NAALAD2: variants seen among roughly 807,000 people sequenced by gnomAD.
NAALAD2 encodes N-acetylated alpha-linked acidic dipeptidase 2.
A neutral mutation model predicts 95.6 loss-of-function variants in NAALAD2; 89 were observed. The observed-to-expected ratio is 0.93, with a 90% CI of 0.78 to 1.11. NAALAD2 has a LOEUF of 1.11. NAALAD2 is among the 50% of genes least tolerant of loss of function. The probability of loss-of-function intolerance (pLI) is 0.00; values close to 1 mark genes in which losing one functional copy is unlikely to be tolerated. For synonymous variants in NAALAD2, 264 were observed against 294.4 expected, an observed-to-expected ratio of 0.90 and a Z score of 1.06; for missense variants, 894 against 872.4, an observed-to-expected ratio of 1.02 and a Z score of -0.31.
At chr11:90,162,186 T>G (rs1437301618) in intron 8 of NAALAD2, among the ~76,000 whole-genome samples, 1 of 152,178 alleles carries the variant, frequency 6.6e-6, no homozygotes, top group Non-Finnish European at 1.5e-5. Flanking sequence ...CATTTTCCCA[T>G]GTCATCTTGG....
At chr11:90,166,446 C>T (rs1258747639) in intron 11 of NAALAD2, among the ~76,000 whole-genome samples, 1 of 152,154 alleles carries the variant, frequency 6.6e-6, no homozygotes, top group Non-Finnish European at 1.5e-5. Context: ...TTATATTTCT[C>T]ACTTTTGAAA....
At chr11:90,155,600 A>G (rs370168218) in intron 6 of NAALAD2, among the ~76,000 whole-genome samples, 13,054 of 110,178 alleles carry the variant, frequency 0.12, 1,417 homozygotes, top group East Asian at 0.28. Context: ...ATATGTAATA[A>G]TATATATTAC....
chr11:90,173,891 C>A lies in NAALAD2; in HGVS notation c.1478C>A (p.Ser493Ter). ...GAAAGCTGGTTGGAAAAAGACCCTT[C>A]ACCTGAAAATAAAAATTTGCCTAGG... is the stretch of plus-strand genomic sequence containing the variant. ...LYESWLEKDP[S>*]PENKNLPRIN... The change falls in exon 14 of 19, where the codon TCA (serine) becomes TAA (stop). Residue 493 changes from serine (S) to a stop codon, truncating the protein, a stop_gained. Transcript: ENST00000534061. LOFTEE classifies it high-confidence loss of function. 6.2e-7 allele frequency: 1 copy of A among 1,612,230 alleles called. No homozygotes were observed. Among genetic ancestry groups the A allele is most frequent in the Non-Finnish European group, 8.5e-7 (1 of 1,179,082 alleles).
At chr11:90,168,876 C>G in intron 11 of NAALAD2, 53 bp from the exon 12 acceptor site, 1 of 1,407,760 alleles carries the variant, frequency 7.1e-7, no homozygotes, top group Admixed American at 1.9e-5. Flanking sequence ...ATTTTGTTTA[C>G]ATTTTCACAA....
chr11:90,148,688 A>C (rs2134859354), intron 3 of NAALAD2, among the ~76,000 whole-genome samples: 1 of 150,080 alleles, frequency 6.7e-6, no homozygotes, highest in South Asian at 2.1e-4. Context: ...AGATGAAAGA[A>C]AAGGAGCCCA....
chr11:90,138,725 C>CTTTTTTTTTTTTTTTT (rs562496549), intron 2 of NAALAD2, among the ~76,000 whole-genome samples: 4 of 61,530 alleles, frequency 6.5e-5, no homozygotes, highest in South Asian at 7.4e-4. Context: ...CATCCCTCAA[C>CTTTTTTTTTTTTTTTT]TTTTTTTTTT....
chr11:90,179,968 G>A (rs1390432073), intron 16 of NAALAD2, among the ~76,000 whole-genome samples: 3 of 152,060 alleles, frequency 2.0e-5, no homozygotes, highest in Non-Finnish European at 4.4e-5. Flanking sequence ...TCTTCTGCCT[G>A]ATGTGTCCCA....
chr11:90,152,850 T>C (rs1590973793), intron 6 of NAALAD2, among the ~76,000 whole-genome samples: 1 of 139,436 alleles, frequency 7.2e-6, no homozygotes, highest in African/African-American at 2.9e-5. Context: ...GAATTATCGA[T>C]AGATTGTATT....
At chr11:90,140,134 G>A (rs1951569865) in intron 2 of NAALAD2, among the ~76,000 whole-genome samples, 1 of 152,094 alleles carries the variant, frequency 6.6e-6, no homozygotes, top group African/African-American at 2.4e-5. Flanking sequence ...GTGATGATTA[G>A]GGAGATGATT....
At chr11:90,159,724 G>T (rs563243130) in intron 8 of NAALAD2, among the ~76,000 whole-genome samples, 1 of 152,106 alleles carries the variant, frequency 6.6e-6, no homozygotes, top group African/African-American at 2.4e-5. Context: ...GCTGAGGCGG[G>T]CGGATCACCT....
In NAALAD2 at chr11:90,158,223, C is replaced by G. The variant is rs770946042; in HGVS notation, c.875C>G (p.Ala292Gly). The G allele has an allele frequency of 3.7e-6, 6 of 1,605,356 alleles. No homozygotes were observed. The highest frequency in any genetic ancestry group is 3.4e-6 in the Non-Finnish European group (4 of 1,173,272). Residue 292 changes from alanine to glycine, a missense_variant, in exon 7 of 19, where the codon GCA becomes GGA. By Grantham distance (60) the Ala-to-Gly change is moderately conservative. Transcript: ENST00000534061. ...GTACATCCCATTGGATATAATGATG[C>G]AGAAATATTATTACGGTATAGTTTT... Reference protein sequence around the residue: ...IPVHPIGYNDAEILLRYLGGI... With the variant: ...IPVHPIGYNDGEILLRYLGGI...
At chr11:90,142,637 A>G (rs1951648030) in intron 2 of NAALAD2, among the ~76,000 whole-genome samples, 1 of 152,102 alleles carries the variant, frequency 6.6e-6, no homozygotes, top group Non-Finnish European at 1.5e-5. Context: ...TGTGGGCCGC[A>G]TATAATAGAT....
In NAALAD2 at chr11:90,152,329, G is replaced by A; in HGVS notation, c.641G>A (p.Gly214Glu). The change falls in exon 6 of 19, where the codon GGA (glycine) becomes GAA (glutamate). Residue 214 changes from glycine (G) to glutamate (E), a missense_variant. Coordinates refer to ENST00000534061, the MANE Select transcript of NAALAD2 (RefSeq NM_005467.4). ...AATGCCATGTTAGCAGGAGCCATAG[G>A]AATCATCTTGTACTCAGATCCAGCT... is the stretch of plus-strand genomic sequence containing the variant. ...VKNAMLAGAI[G>E]IILYSDPADY... 2 of 1,608,812 alleles carry A rather than the reference G, an allele frequency of 1.2e-6. No homozygotes were observed. Among genetic ancestry groups the A allele is most frequent in the Non-Finnish European group, 1.7e-6 (2 of 1,175,918 alleles).
chr11:90,163,058 C>T, intron 9 of NAALAD2, 24 bp downstream of exon 9: 1 of 1,485,358 alleles, frequency 6.7e-7, no homozygotes, highest in Non-Finnish European at 9.1e-7. Context: ...TTTTTTAAAA[C>T]ATTTTGTTTT....
At chr11:90,183,077 C>A in intron 18 of NAALAD2, 69 bp downstream of exon 18, 1 of 1,144,406 alleles carries the variant, frequency 8.7e-7, no homozygotes. Flanking sequence ...TGGCTTTAAA[C>A]TAATGCCATT....
intron 18 of NAALAD2, among the ~76,000 whole-genome samples, chr11:90,187,447 C>A (rs926659992): frequency 1.3e-5 from 2 of 152,108 alleles, no homozygotes; most frequent in African/African-American, 4.8e-5. Flanking sequence ...ATGTTTTAGT[C>A]TACTGCAGTA....
At chr11:90,138,519 C>T (rs557745915) in intron 2 of NAALAD2, among the ~76,000 whole-genome samples, 4 of 152,228 alleles carry the variant, frequency 2.6e-5, no homozygotes, top group Admixed American at 2.6e-4. Context: ...AAGTCAAAAG[C>T]AGTCTTGAAT....
At position 90,134,692 on chromosome 11, in the gene NAALAD2, TCTGTTTCTCTGCAGCCC is replaced by T. The variant is rs1267060122; in HGVS notation, c.-65_-49del. 4.6e-6 allele frequency: 7 copies of T among 1,524,812 alleles called. No homozygotes were observed. The highest frequency in any genetic ancestry group is 6.4e-6 in the Non-Finnish European group (7 of 1,101,630). The allele number at this position is 1,524,812 out of a possible 1,614,324, so 94.5% of individuals were successfully genotyped here. A position where few individuals can be genotyped will look rare whatever the true frequency, so the allele number is the denominator to read the frequency against. On this transcript the variant is annotated 5_prime_UTR_variant, in exon 1 of 19. Coordinates refer to ENST00000534061, the MANE Select transcript of NAALAD2 (RefSeq NM_005467.4). ...CTCACAGCCTCCTGCCAGCGCGCTCTCTGTTTCTCTGCAGCCCCGAAGCTCGCGAATGTAGCAGGCGC... is the reference window on the plus strand; with the variant it reads ...CTCACAGCCTCCTGCCAGCGCGCTCTCGAAGCTCGCGAATGTAGCAGGCGC...
In NAALAD2 at chr11:90,191,693, T is replaced by TA; in HGVS notation, c.2170dup (p.Ile724AsnfsTer49). ...GGAAAGAAGTAAAGAAACATATTTCTATTGCAGCTTTTACAATTCAAGCAG... is the reference window on the plus strand; with the variant it reads ...GGAAAGAAGTAAAGAAACATATTTCTAATTGCAGCTTTTACAATTCAAGCAG... On this transcript the variant is annotated frameshift_variant, in exon 19 of 19. Coordinates refer to ENST00000534061, the MANE Select transcript of NAALAD2 (RefSeq NM_005467.4). LOFTEE classifies it high-confidence loss of function. 1 of 1,600,606 alleles carries TA rather than the reference T, an allele frequency of 6.2e-7. No homozygotes were observed. The highest frequency in any genetic ancestry group is 8.5e-7 in the Non-Finnish European group (1 of 1,173,872).
Sources: allele counts gnomAD v4.1 joint callset (sites outside exome capture counted in the v4.1 genomes callset), GRCh38; gene constraint gnomAD v4.1.1; transcripts MANE v1.5; gene names NCBI Gene and HGNC (gene_info 2026-07-23, HGNC 2026-07-21).